TXNRD1: variants seen among roughly 807,000 people sequenced by gnomAD.
TXNRD1 encodes the protein thioredoxin reductase 1, also known as thioredoxin reductase 1, cytoplasmic.
Under a neutral mutation model 80.3 loss-of-function variants are expected in TXNRD1, and 57 were observed. The observed-to-expected ratio is 0.71, with a 90% confidence interval of 0.57 to 0.89. The LOEUF is 0.89. TXNRD1 is among the 40% of genes least tolerant of loss of function. The pLI is 0.00. For synonymous variants in TXNRD1, 291 were observed against 285.2 expected (o/e 1.02, Z -0.20); for missense variants, 730 against 803.0 (o/e 0.91, Z 1.10).
intron 4 of TXNRD1, chr12:104,310,188 C>G (rs1593809760): frequency 7.6e-4 from 24 of 31,670 alleles, no homozygotes; most frequent in Middle Eastern, 0.026. Flanking sequence ...CTCTGTGAGA[C>G]TCCCAGGCTG....
At chr12:104,334,798 C>T (rs905415108) in intron 15 of TXNRD1, among the ~76,000 whole-genome samples, 3 of 152,144 alleles carry the variant, frequency 2.0e-5, no homozygotes, top group Non-Finnish European at 4.4e-5. Flanking sequence ...CTGCCTGCTG[C>T]CCCCTCATCT....
At chr12:104,307,665 A>G (rs1443140744) in intron 4 of TXNRD1, among the ~76,000 whole-genome samples, 1 of 152,240 alleles carries the variant, frequency 6.6e-6, no homozygotes, top group East Asian at 1.9e-4. Context: ...AAATCTGGCA[A>G]AGGATAGAAA....
intron 1 of TXNRD1, among the ~76,000 whole-genome samples, chr12:104,231,637 A>G (rs1005006896): frequency 1.3e-5 from 2 of 152,192 alleles, no homozygotes; most frequent in African/African-American, 2.4e-5. Context: ...ATTTTCATCT[A>G]AAATTTTACT....
At chr12:104,271,811 A>G (rs2033657489) in intron 3 of TXNRD1, among the ~76,000 whole-genome samples, 1 of 151,988 alleles carries the variant, frequency 6.6e-6, no homozygotes, top group Non-Finnish European at 1.5e-5. Flanking sequence ...CAGAGGTTGC[A>G]GTAAGCCAAG....
At chr12:104,290,663 C>T (rs1179164917) in intron 4 of TXNRD1, among the ~76,000 whole-genome samples, 3 of 140,316 alleles carry the variant, frequency 2.1e-5, no homozygotes, top group African/African-American at 7.9e-5. Flanking sequence ...TGCGCCACTG[C>T]ACCCTGGCCT....
chr12:104,297,305 CAAA>C (rs369240448), intron 4 of TXNRD1, among the ~76,000 whole-genome samples: 7 of 71,024 alleles, frequency 9.9e-5, no homozygotes, highest in African/African-American at 2.1e-4. Context: ...AACTCCATCT[CAAA>C]AAAAAAAAAA....
intron 2 of TXNRD1, among the ~76,000 whole-genome samples, chr12:104,257,234 TTTTG>T (rs1004529065): frequency 3.9e-5 from 6 of 152,010 alleles, no homozygotes; most frequent in African/African-American, 9.6e-5. Context: ...GCATAAGATT[TTTTG>T]TTTGTTTGTT....
At chr12:104,250,031 A>G (rs549055606) in intron 1 of TXNRD1, among the ~76,000 whole-genome samples, 1 of 151,790 alleles carries the variant, frequency 6.6e-6, no homozygotes, top group Non-Finnish European at 1.5e-5. Context: ...AGCTGATTTT[A>G]TTAACACCAT....
At chr12:104,342,621 A>G (rs946806928) in intron 16 of TXNRD1, among the ~76,000 whole-genome samples, 12 of 151,578 alleles carry the variant, frequency 7.9e-5, no homozygotes, top group African/African-American at 2.9e-4. Flanking sequence ...CAATATTGGC[A>G]TAGCTTAAAG....
chr12:104,252,852 G>A (rs1357022083), intron 2 of TXNRD1, among the ~76,000 whole-genome samples: 19 of 150,340 alleles, frequency 1.3e-4, no homozygotes, highest in East Asian at 2.0e-4. Flanking sequence ...ACAGGTGCCC[G>A]CCACCACACC....
intron 12 of TXNRD1, among the ~76,000 whole-genome samples, chr12:104,326,731 G>T (rs1037042700): frequency 3.9e-5 from 6 of 152,098 alleles, no homozygotes; most frequent in African/African-American, 1.4e-4. Flanking sequence ...CTCCCAAAGT[G>T]CTGGGATTAC....
intron 16 of TXNRD1, among the ~76,000 whole-genome samples, chr12:104,347,516 T>G (rs2036532931): frequency 6.6e-6 from 1 of 152,200 alleles, no homozygotes; most frequent in Non-Finnish European, 1.5e-5. Context: ...AATGAGAGTA[T>G]AGGTTGGTTC....
At chr12:104,242,567 A>C (rs2032897431) in intron 1 of TXNRD1, among the ~76,000 whole-genome samples, 1 of 151,886 alleles carries the variant, frequency 6.6e-6, no homozygotes, top group Admixed American at 6.6e-5. Flanking sequence ...AAAGCTCTGT[A>C]GTATTGCTTT....
chr12:104,267,679 TTCTTTCTTTCTTTCTTTCTTTCTCTC>T (rs1565870168), intron 3 of TXNRD1, among the ~76,000 whole-genome samples: 2 of 46,042 alleles, frequency 4.3e-5, no homozygotes, highest in Non-Finnish European at 1.1e-4. Flanking sequence ...CTTTCTTTCT[TTCTTTCTTTCTTTCTTTCTTTCTCTC>T]TTTCTTTCTT....
intron 1 of TXNRD1, among the ~76,000 whole-genome samples, chr12:104,230,217 T>A (rs576124232): frequency 6.6e-6 from 1 of 151,150 alleles, no homozygotes; most frequent in African/African-American, 2.4e-5. Flanking sequence ...TACAGGTGCA[T>A]GCCACCACGC....
intron 4 of TXNRD1, among the ~76,000 whole-genome samples, chr12:104,308,843 C>T (rs1413700435): frequency 6.6e-6 from 1 of 151,488 alleles, no homozygotes. Context: ...TTAAATGGAA[C>T]TGAATGATAG....
chr12:104,278,500 A>AT (rs2033808564), intron 3 of TXNRD1, among the ~76,000 whole-genome samples: 1 of 33,352 alleles, frequency 3.0e-5, no homozygotes, highest in Non-Finnish European at 5.0e-5. Context: ...CGCCCAGCCT[A>AT]ATTTTTTTTT....
At chr12:104,270,330 C>A (rs192268070) in intron 3 of TXNRD1, among the ~76,000 whole-genome samples, 7 of 152,252 alleles carry the variant, frequency 4.6e-5, no homozygotes, top group African/African-American at 1.7e-4. Flanking sequence ...AATCCTTTAT[C>A]CCTGGGCTGC....
intron 14 of TXNRD1, among the ~76,000 whole-genome samples, chr12:104,333,356 C>T (rs143138221): frequency 9.9e-5 from 15 of 151,888 alleles, no homozygotes; most frequent in Middle Eastern, 3.4e-3. Context: ...AGAAGTATAA[C>T]GTGTTTGAGT....
Sources: allele counts gnomAD v4.1 joint callset (sites outside exome capture counted in the v4.1 genomes callset), GRCh38; gene constraint gnomAD v4.1.1; transcripts MANE v1.5; gene names NCBI Gene and HGNC (gene_info 2026-07-23, HGNC 2026-07-21).